WDR97: variants seen among roughly 807,000 people sequenced by gnomAD.
The protein encoded by WDR97 is WD repeat domain 97.
In WDR97, 111 loss-of-function variants were observed where a neutral mutation model predicts 65.4. The ratio of observed to expected loss-of-function variants is 1.70; its 90% CI spans 1.45 to 1.99. The LOEUF (loss-of-function observed/expected upper bound fraction) is 1.99, where lower values mean the gene tolerates loss of function less well. Ranked by LOEUF, WDR97 falls within the 30% of genes most tolerant of loss-of-function variation. WDR97 has a pLI of 0.00. For missense variants in WDR97, 1,674 were observed against 865.0 expected (o/e 1.94, Z -11.73); for synonymous variants, 802 against 397.7 (o/e 2.02, Z -12.10).
rs1034456459 is a variant in WDR97, at chr8:144,109,337, C to T, written c.1003C>T (p.Pro335Ser). 13 of 702,220 alleles carry T rather than the reference C, an allele frequency of 1.9e-5. No homozygotes were observed. The East Asian group carries it at 2.4e-4, about 13-fold the overall frequency. The allele number at this position is 702,220 out of a possible 1,614,324, so 43.5% of individuals were successfully genotyped here. A position where few individuals can be genotyped will look rare whatever the true frequency, so the allele number is the denominator to read the frequency against. Residue 335 changes from proline to serine, a missense_variant and splice_region_variant, in exon 5 of 24, where the codon CCG becomes TCG. Physicochemically the swap from Pro to Ser is moderately conservative, Grantham distance 74. Transcript: ENST00000323662. ...AGTGACCTGCACCCCTCCCACAGGC[C>T]CGGTGACGGCTATGACTGTGCTCCC... ...IRMVFVGHTG[P>S]VTAMTVLPNT...
intron 15 of WDR97, chr8:144,112,941 C>T (rs1310319377): frequency 1.3e-5 from 4 of 305,242 alleles, no homozygotes; most frequent in Non-Finnish European, 2.4e-5. Context: ...CCACTGTCTT[C>T]CCACCCTCAC....
rs1049979265 is a variant in WDR97, at chr8:144,109,108, A to G, written c.938A>G (p.Asp313Gly). The change falls in exon 4 of 24, where the codon GAC (aspartate) becomes GGC (glycine). Residue 313 changes from aspartate (D) to glycine (G), a missense_variant. Physicochemically the swap from Asp to Gly is moderately conservative, Grantham distance 94. Coordinates refer to ENST00000323662, the MANE Select transcript of WDR97 (RefSeq NM_001316309.2). Reference protein sequence around the residue: ...EVEAMVTASRDSTVKVWEADW... With the variant: ...EVEAMVTASRGSTVKVWEADW... ...GAGGCAATGGTGACAGCTTCCCGGG[A>G]CAGCACCGTGAAGGTGTGGGAGGCT... 8.5e-6 allele frequency: 6 copies of G among 702,914 alleles called. No homozygotes were observed. Among genetic ancestry groups the G allele is most frequent in the Non-Finnish European group, 1.3e-5 (5 of 385,026 alleles). The allele number at this position is 702,914 out of a possible 1,614,324, so 43.5% of individuals were successfully genotyped here. A position where few individuals can be genotyped will look rare whatever the true frequency, so the allele number is the denominator to read the frequency against.
rs1304933770 is a variant in WDR97, at chr8:144,110,982, T to A, written c.2290T>A (p.Ser764Thr). The change falls in exon 9 of 24, where the codon TCC becomes ACC. Residue 764 changes from serine to threonine, a missense_variant. Ser to Thr is a moderately conservative substitution (Grantham distance 58). Coordinates refer to ENST00000323662, the MANE Select transcript of WDR97 (RefSeq NM_001316309.2). ...LVSHRLYLPT[S>T]YLVKKMCRKA... ...GTCCCACAGGCTCTACCTGCCTACATCCTACCTAGTTAAGGTGTGTGGTGA... is the reference window on the plus strand; with the variant it reads ...GTCCCACAGGCTCTACCTGCCTACAACCTACCTAGTTAAGGTGTGTGGTGA... 4.3e-6 allele frequency: 3 copies of A among 702,754 alleles called. No individual in the cohort carries two copies. The highest frequency in any genetic ancestry group is 5.4e-5 in the East Asian group (2 of 37,266). The allele number at this position is 702,754 out of a possible 1,614,324, so 43.5% of individuals were successfully genotyped here.
intron 21 of WDR97, 130 bp from the exon 22 acceptor site, chr8:144,115,211 G>C: frequency 1.8e-6 from 1 of 565,070 alleles, no homozygotes; most frequent in Non-Finnish European, 3.1e-6. Context: ...GTGGATGCTC[G>C]AGGAGCCAGG....
rs1332318100 is a variant in WDR97, at chr8:144,108,396, G to A, written c.330G>A (p.Leu110=). The A allele has an allele frequency of 1.4e-6, 1 of 698,074 alleles. No homozygotes were observed. Among genetic ancestry groups the A allele is most frequent in the East Asian group, 2.7e-5 (1 of 37,164 alleles). The allele number at this position is 698,074 out of a possible 1,614,324, so 43.2% of individuals were successfully genotyped here. Residue 110 remains leucine (L), a synonymous_variant, in exon 3 of 24, where the codon CTG becomes CTA. Coordinates refer to ENST00000323662, the MANE Select transcript of WDR97 (RefSeq NM_001316309.2). ...PLRRLEVAAG[L]RSVAQDPVGG... ...GCCGCCTGGAGGTGGCAGCCGGGCT[G>A]CGCTCGGTGGCGCAGGACCCGGTGG...
In WDR97 at chr8:144,108,334, C is replaced by A. The variant is rs1319442427; in HGVS notation, c.268C>A (p.Arg90Ser). Residue 90 changes from arginine to serine, a missense_variant, in exon 3 of 24, where the codon CGC becomes AGC. Transcript: ENST00000323662. ...CCCACAGGAGAAGAGAGCCGAGCTG[C>A]GCGCGGCGCGCCTGACGCATGGGCT... Reference protein sequence around the residue: ...VVEKEKRAELRAARLTHGLEP... With the variant: ...VVEKEKRAELSAARLTHGLEP... 1 of 693,692 alleles carries A rather than the reference C, an allele frequency of 1.4e-6. No homozygotes were observed. The highest frequency in any genetic ancestry group is 2.6e-6 in the Non-Finnish European group (1 of 382,308). The allele number at this position is 693,692 out of a possible 1,614,324, so 43.0% of individuals were successfully genotyped here.
chr8:144,110,841 G>A (rs951336808), intron 8 of WDR97, 23 bp from the exon 9 acceptor site: 2 of 702,498 alleles, frequency 2.8e-6, no homozygotes, highest in Non-Finnish European at 5.2e-6. Context: ...GCTGAGCCTC[G>A]GCTGCCCTGG....
chr8:144,109,020 A>G (rs1447655845), intron 3 of WDR97, 29 bp from the exon 4 acceptor site: 1 of 703,114 alleles, frequency 1.4e-6, no homozygotes, highest in South Asian at 1.5e-5. Flanking sequence ...TGTTAAGTCC[A>G]TTGGGATTCT....
chr8:144,108,705 T>C lies in WDR97; in HGVS notation c.639T>C (p.Val213=). The change falls in exon 3 of 24, where the codon GTT becomes GTC. Residue 213 remains valine, a synonymous_variant. Coordinates refer to ENST00000323662, the MANE Select transcript of WDR97 (RefSeq NM_001316309.2). ...TTCCCGACCTCAGGCTGCTGCTCGT[T>C]GCGGAGATGAACAGCAGCCTGGCGC... The part of the protein sequence containing the change: ...LPVPDLRLLL[V]AEMNSSLALW... 1 of 701,076 alleles carries C rather than the reference T, an allele frequency of 1.4e-6. No individual in the cohort carries two copies. The highest frequency in any genetic ancestry group is 2.7e-5 in the East Asian group (1 of 37,258). The allele number at this position is 701,076 out of a possible 1,614,324, so 43.4% of individuals were successfully genotyped here.
intron 21 of WDR97, 28 bp from the exon 22 acceptor site, chr8:144,115,313 G>A (rs1189605886): frequency 1.7e-6 from 1 of 587,114 alleles, no homozygotes; most frequent in African/African-American, 1.9e-5. Flanking sequence ...AGGTCTCTAA[G>A]ACCTTAGCAC....
At position 144,116,324 on chromosome 8, in the gene WDR97, T is replaced by C; in HGVS notation, c.*31T>C. ...CTGGTGGCCTCAGCCCGCCTGGCTCTGGGGCCTGTCATTGGTATTTGGCCA... is the reference window on the plus strand; with the variant it reads ...CTGGTGGCCTCAGCCCGCCTGGCTCCGGGGCCTGTCATTGGTATTTGGCCA... On this transcript the variant is annotated 3_prime_UTR_variant, in exon 24 of 24. Transcript: ENST00000323662. 1.7e-6 allele frequency: 1 copy of C among 593,870 alleles called. No homozygotes were observed. Among genetic ancestry groups the C allele is most frequent in the Non-Finnish European group, 3.0e-6 (1 of 331,574 alleles). 36.8% of individuals were successfully genotyped at this position (593,870 alleles called of 1,614,324 possible).
intron 21 of WDR97, among the ~76,000 whole-genome samples, 158 bp from the exon 22 acceptor site, chr8:144,115,183 G>C (rs1308330261): frequency 6.6e-6 from 1 of 152,254 alleles, no homozygotes; most frequent in Non-Finnish European, 1.5e-5. Context: ...TCGGGCAGAA[G>C]GGAGTTTCAG....
intron 22 of WDR97, 36 bp from the exon 23 acceptor site, chr8:144,115,907 G>T (rs1259064246): frequency 1.4e-6 from 1 of 700,488 alleles, no homozygotes; most frequent in Non-Finnish European, 2.6e-6. Flanking sequence ...GCCAAGCGTG[G>T]GGCTGGGCCA....
rs770882178 is a variant in WDR97 at position 144,110,963 on chromosome 8, C to G, written c.2271C>G (p.His757Gln). The G allele has an allele frequency of 1.4e-6, 1 of 702,726 alleles. No homozygotes were observed. The highest frequency in any genetic ancestry group is 2.6e-6 in the Non-Finnish European group (1 of 384,998). 43.5% of individuals were successfully genotyped at this position (702,726 alleles called of 1,614,324 possible). Reference sequence around the variant, plus strand: ...GATCCCGCCTCTGCCTGGTGTCCCACAGGCTCTACCTGCCTACATCCTACC... The same window carrying G: ...GATCCCGCCTCTGCCTGGTGTCCCAGAGGCTCTACCTGCCTACATCCTACC... ...ALGSRLCLVS[H>Q]RLYLPTSYLV... Residue 757 changes from histidine to glutamine, a missense_variant, in exon 9 of 24, where the codon CAC (histidine) becomes CAG (glutamine). His to Gln is a conservative substitution (Grantham distance 24). Coordinates refer to ENST00000323662, the MANE Select transcript of WDR97 (RefSeq NM_001316309.2).
Position 144,114,114 on chromosome 8 carries a change from C to T in WDR97, c.3546C>T (p.Phe1182=), listed in dbSNP as rs1836603356. The T allele has an allele frequency of 1.4e-6, 1 of 702,732 alleles. No homozygotes were observed. Among genetic ancestry groups the T allele is most frequent in the Non-Finnish European group, 2.6e-6 (1 of 384,998 alleles). The allele number at this position is 702,732 out of a possible 1,614,324, so 43.5% of individuals were successfully genotyped here. A position where few individuals can be genotyped will look rare whatever the true frequency, so the allele number is the denominator to read the frequency against. Residue 1182 remains phenylalanine, a synonymous_variant, in exon 18 of 24, where the codon TTC becomes TTT. Coordinates refer to ENST00000323662, the MANE Select transcript of WDR97 (RefSeq NM_001316309.2). ...YGHLPKFLHF[F]IYQTWFKKLF... ...ATCTGCCCAAGTTTCTGCATTTCTTCATCTACCAGACCTGGTTCAAAAAGT... is the reference window on the plus strand; with the variant it reads ...ATCTGCCCAAGTTTCTGCATTTCTTTATCTACCAGACCTGGTTCAAAAAGT...
rs914032370 is a variant in WDR97, at chr8:144,108,297, C to T, written c.250-19C>T. The T allele has an allele frequency of 1.0e-5, 7 of 691,692 alleles. No homozygotes were observed. The highest frequency in any genetic ancestry group is 1.8e-5 in the African/African-American group (1 of 56,512). 42.8% of individuals were successfully genotyped at this position (691,692 alleles called of 1,614,324 possible). A position where few individuals can be genotyped will look rare whatever the true frequency, so the allele number is the denominator to read the frequency against. Reference sequence around the variant, plus strand: ...TAGCCCCAACCTTTGATTGCGGGCCCGCCCACCCCGGCCCACAGGAGAAGA... The same window carrying T: ...TAGCCCCAACCTTTGATTGCGGGCCTGCCCACCCCGGCCCACAGGAGAAGA... On this transcript the variant is annotated intron_variant, in intron 2 of 23. Coordinates refer to ENST00000323662, the MANE Select transcript of WDR97 (RefSeq NM_001316309.2).
rs1249491364 is a variant in WDR97 at position 144,113,744 on chromosome 8, G to C, written c.3271G>C (p.Glu1091Gln). 22 of 700,656 alleles carry C rather than the reference G, an allele frequency of 3.1e-5. No individual in the cohort carries two copies. Among genetic ancestry groups the C allele is most frequent in the Non-Finnish European group, 3.6e-5 (14 of 383,882 alleles). The allele number at this position is 700,656 out of a possible 1,614,324, so 43.4% of individuals were successfully genotyped here. ...GAGGAAGCTGCTCCAATGGATGGGG[G>C]AGAAGCCTGGGGAGGAGGGGGAGGA... is the stretch of plus-strand genomic sequence containing the variant. The part of the protein sequence containing the change: ...WQRKLLQWMG[E>Q]KPGEEGEEDK... Residue 1091 changes from glutamate (E) to glutamine (Q), a missense_variant, in exon 17 of 24, where the codon GAG becomes CAG. Physicochemically the swap from Glu to Gln is conservative, Grantham distance 29. Transcript: ENST00000323662.
rs1836521470 is a variant in WDR97 at position 144,110,375 on chromosome 8, C to T, written c.1878C>T (p.Phe626=). The change falls in exon 7 of 24, where the codon TTC becomes TTT. Residue 626 remains phenylalanine, a synonymous_variant. Coordinates refer to ENST00000323662, the MANE Select transcript of WDR97 (RefSeq NM_001316309.2). ...TGACGGTGAAGATGTGGCGCGTCTT[C>T]CCCTATGCCGAAGAGAGCCTGAGCC... ...GDLTVKMWRV[F]PYAEESLSLL... is the part of the protein sequence containing the mutation. 2 of 702,992 alleles carry T rather than the reference C, an allele frequency of 2.8e-6. No individual in the cohort carries two copies. Among genetic ancestry groups the T allele is most frequent in the Non-Finnish European group, 5.2e-6 (2 of 384,982 alleles). The allele number at this position is 702,992 out of a possible 1,614,324, so 43.5% of individuals were successfully genotyped here.
chr8:144,109,407 G>A lies in WDR97; in HGVS notation c.1073G>A (p.Arg358His). 1 of 702,494 alleles carries A rather than the reference G, an allele frequency of 1.4e-6. No homozygotes were observed. Among genetic ancestry groups the A allele is most frequent in the East Asian group, 2.7e-5 (1 of 37,278 alleles). 43.5% of individuals were successfully genotyped at this position (702,494 alleles called of 1,614,324 possible). A position where few individuals can be genotyped will look rare whatever the true frequency, so the allele number is the denominator to read the frequency against. ...TCGGCCTCGCAGGACGGGACGCTAC[G>A]CACCTGGGACCTGCAGGCGGCGGCG... ...VLSASQDGTL[R>H]TWDLQAAAQV... The change falls in exon 5 of 24, where the codon CGC becomes CAC. Residue 358 changes from arginine to histidine, a missense_variant. Arg to His is a conservative substitution (Grantham distance 29, BLOSUM62 0). Coordinates refer to ENST00000323662, the MANE Select transcript of WDR97 (RefSeq NM_001316309.2).
Sources: gnomAD v4.1 joint callset for allele counts (sites outside exome capture counted in the v4.1 genomes callset) on GRCh38, gnomAD v4.1.1 for gene constraint, MANE v1.5 for transcripts, NCBI Gene and HGNC (gene_info 2026-07-23, HGNC 2026-07-21) for gene names.